Variants in EVL observed in about 807,000 individuals in gnomAD.
The protein encoded by EVL is Enah/Vasp-like, also known as ena/VASP-like protein.
Under a neutral mutation model 59.6 loss-of-function variants are expected in EVL, and 21 were observed. The ratio of observed to expected loss-of-function variants is 0.35; its 90% CI spans 0.25 to 0.51. EVL has a LOEUF of 0.51. Among genes scored for constraint, EVL ranks in the 20% least tolerant of loss-of-function variants. The pLI is 0.97. For synonymous variants in EVL, 198 were observed against 203.5 expected (o/e 0.97, Z 0.23); for missense variants, 462 against 546.6 (o/e 0.85, Z 1.54).
At position 99,983,384 on chromosome 14, in the gene EVL, A is replaced by T. The variant is rs139208458; in HGVS notation, c.5+11327A>T. Among the ~76,000 whole-genome samples the T allele has an allele frequency of 7.4e-4, 113 of 152,352 alleles. No homozygotes were observed. The East Asian group carries it at 0.019, about 26-fold the overall frequency. On this transcript the variant is annotated intron_variant, in intron 1 of 13. Coordinates refer to the EVL transcript ENST00000402714. Reference sequence around the variant, plus strand: ...CTGTGAAATTCATGGAAGTCATGACAGAAAGGGAAACATGAGCCAGTGTGT... The same window carrying T: ...CTGTGAAATTCATGGAAGTCATGACTGAAAGGGAAACATGAGCCAGTGTGT...
chr14:100,085,762 G>A (rs2062426602), intron 2 of EVL, among the ~76,000 whole-genome samples: 3 of 152,100 alleles, frequency 2.0e-5, no homozygotes, highest in African/African-American at 2.4e-5. Context: ...TGCTTTAATC[G>A]AAATAGCCCT....
rs1409104492 is a variant in EVL, at chr14:99,996,679, T to G, written c.5+24622T>G. ...TTCCCCCTTTTTTTTTGAGGCAGGG[T>G]CTAGCTCTGTCACCCAGGCTGGAGG... On this transcript the variant is annotated intron_variant, in intron 1 of 13. Transcript: ENST00000402714. 3.3e-5 allele frequency among the ~76,000 whole-genome samples: 5 copies of G among 151,902 alleles called. 1 individual carries two copies. The highest frequency in any genetic ancestry group is 6.6e-5 in the Admixed American group (1 of 15,232).
chr14:100,102,176 C>T (rs1369414000), intron 3 of EVL: 3 of 446,300 alleles, frequency 6.7e-6, no homozygotes, highest in Non-Finnish European at 1.4e-5. Flanking sequence ...TGAACATTTG[C>T]ATACATTAGT....
At chr14:100,019,306 G>C (rs1439175993) in intron 1 of EVL, 2 of 237,136 alleles carry the variant, frequency 8.4e-6, no homozygotes, top group East Asian at 9.1e-5. Context: ...GTTCTGGTAG[G>C]GGGTGGGATG....
Position 100,141,726 on chromosome 14 carries a change from C to T in EVL, c.1162-10C>T, listed in dbSNP as rs372977649. 1.2e-6 allele frequency: 2 copies of T among 1,613,126 alleles called. No individual in the cohort carries two copies. Among genetic ancestry groups the T allele is most frequent in the African/African-American group, 2.7e-5 (2 of 75,072 alleles). Reference sequence around the variant, plus strand: ...CCTGTCCCTTCACCTGGACACTCCTCTCCCAACAGGAGATCCTAGAGGAGG... The same window carrying T: ...CCTGTCCCTTCACCTGGACACTCCTTTCCCAACAGGAGATCCTAGAGGAGG... On this transcript the variant is annotated splice_polypyrimidine_tract_variant and intron_variant, in intron 12 of 13. Coordinates refer to ENST00000392920, the MANE Select transcript of EVL (RefSeq NM_016337.3).
rs1273278175 is a variant in EVL, at chr14:100,143,970, G to T, written c.*232G>T. 1 of 541,472 alleles carries T rather than the reference G, an allele frequency of 1.8e-6. No homozygotes were observed. The highest frequency in any genetic ancestry group is 3.1e-5 in the East Asian group (1 of 32,446). The allele number at this position is 541,472 out of a possible 1,614,324, so 33.5% of individuals were successfully genotyped here. ...CACCAGGTCTGCTCGTCTTTTTTGT[G>T]TTTTATATTTGCTTATTTAAGGTAC... On this transcript the variant is annotated 3_prime_UTR_variant, in exon 14 of 14. Coordinates refer to ENST00000392920, the MANE Select transcript of EVL (RefSeq NM_016337.3).
intron 2 of EVL, among the ~76,000 whole-genome samples, chr14:100,092,902 A>G (rs559725824): frequency 2.6e-5 from 4 of 152,326 alleles, no homozygotes; most frequent in South Asian, 4.1e-4. Context: ...CATTTTGCCA[A>G]TGGTGTTAGA....
chr14:100,133,028 G>A (rs886387949), intron 8 of EVL, among the ~76,000 whole-genome samples: 12 of 152,158 alleles, frequency 7.9e-5, no homozygotes, highest in African/African-American at 1.2e-4. Flanking sequence ...AGCCTGAGGC[G>A]CTGGCCGCTG....
At chr14:100,040,521 G>A (rs1220177806) in intron 1 of EVL, among the ~76,000 whole-genome samples, 1 of 152,208 alleles carries the variant, frequency 6.6e-6, no homozygotes, top group Non-Finnish European at 1.5e-5. Flanking sequence ...GGGCAGGACA[G>A]AACGGAGCCT....
chr14:100,038,771 G>GGTGTGTGTTTGTGT (rs2061424962), intron 1 of EVL, among the ~76,000 whole-genome samples: 1 of 140,916 alleles, frequency 7.1e-6, no homozygotes, highest in Admixed American at 7.2e-5. Context: ...TGTGCCCTGG[G>GGTGTGTGTTTGTGT]GTGTGTGTGT....
intron 2 of EVL, among the ~76,000 whole-genome samples, chr14:100,093,427 C>G (rs965325115): frequency 5.9e-5 from 9 of 152,036 alleles, no homozygotes; most frequent in Admixed American, 1.3e-4. Flanking sequence ...AATGCAGAAC[C>G]CTCTGACGTA....
intron 4 of EVL, among the ~76,000 whole-genome samples, chr14:100,125,582 G>A (rs1484583557): frequency 6.6e-6 from 1 of 150,716 alleles, no homozygotes; most frequent in Non-Finnish European, 1.5e-5. Flanking sequence ...TTGAGATGGA[G>A]TCTTGCTCTG....
chr14:100,104,239 GTTC>G (rs1357715786), intron 3 of EVL, among the ~76,000 whole-genome samples: 1 of 152,176 alleles, frequency 6.6e-6, no homozygotes, highest in African/African-American at 2.4e-5. Flanking sequence ...TGACTTTTGA[GTTC>G]TTCTATTTAT....
At chr14:100,057,406 C>G (rs1247171077) in intron 1 of EVL, among the ~76,000 whole-genome samples, 1 of 152,124 alleles carries the variant, frequency 6.6e-6, no homozygotes, top group Admixed American at 6.5e-5. Flanking sequence ...CTTTATTTGG[C>G]CATTCACACT....
chr14:100,053,545 A>G (rs1481882501), intron 1 of EVL, among the ~76,000 whole-genome samples: 1 of 152,216 alleles, frequency 6.6e-6, no homozygotes, highest in East Asian at 1.9e-4. Context: ...ATTTTTGAGC[A>G]AAGTTATGGA....
chr14:100,132,369 G>T (rs989323794), intron 7 of EVL, among the ~76,000 whole-genome samples: 2 of 152,094 alleles, frequency 1.3e-5, no homozygotes, highest in East Asian at 1.9e-4. Flanking sequence ...TCTCTGTCCC[G>T]TGTGGCCAGG....
intron 1 of EVL, among the ~76,000 whole-genome samples, chr14:100,028,141 T>TTTG (rs2061249630): frequency 8.2e-6 from 1 of 121,984 alleles, no homozygotes; most frequent in African/African-American, 3.3e-5. Flanking sequence ...TTTGTTTTTT[T>TTTG]TTTTTTTTTT....
chr14:99,971,583 C>G (rs2060732018), exon 1 of EVL: 1 of 151,846 alleles, frequency 6.6e-6, no homozygotes, highest in East Asian at 2.0e-4. Flanking sequence ...CGCGCGTACC[C>G]TAGCTCTTGG....
intron 1 of EVL, among the ~76,000 whole-genome samples, chr14:100,075,405 C>G (rs1267521934): frequency 6.6e-6 from 1 of 152,240 alleles, no homozygotes; most frequent in Non-Finnish European, 1.5e-5. Context: ...TTAAGATTCA[C>G]TTTTGTTGCT....
Sources: gnomAD v4.1 joint callset for allele counts (sites outside exome capture counted in the v4.1 genomes callset) on GRCh38, gnomAD v4.1.1 for gene constraint, MANE v1.5 for transcripts, NCBI Gene and HGNC (gene_info 2026-07-23, HGNC 2026-07-21) for gene names.